GRM8: variants seen among roughly 807,000 people sequenced by gnomAD.
The protein encoded by GRM8 is metabotropic glutamate receptor 8.
A neutral mutation model predicts 87.2 loss-of-function variants in GRM8; 47 were observed. That is an observed-to-expected ratio of 0.54 (90% CI 0.43 to 0.69). GRM8 has a LOEUF of 0.69. Among genes scored for constraint, GRM8 ranks in the 30% least tolerant of loss-of-function variants. GRM8 has a pLI of 0.00. For missense variants in GRM8, 1,019 were observed against 1,139.2 expected, an observed-to-expected ratio of 0.89 and a Z score of 1.52; for synonymous variants, 396 against 404.5, an observed-to-expected ratio of 0.98 and a Z score of 0.25.
At chr7:127,201,113 TACTC>T (rs1392564993) in intron 2 of GRM8, among the ~76,000 whole-genome samples, 2 of 152,224 alleles carry the variant, frequency 1.3e-5, no homozygotes, top group African/African-American at 4.8e-5. Flanking sequence ...CAAGCACAAA[TACTC>T]ATTCTCACAC....
At chr7:126,668,392 C>A (rs533345255) in intron 7 of GRM8, among the ~76,000 whole-genome samples, 1 of 152,186 alleles carries the variant, frequency 6.6e-6, no homozygotes, top group African/African-American at 2.4e-5. Flanking sequence ...CTTACTGTTC[C>A]TTCTAAGCCT....
intron 7 of GRM8, among the ~76,000 whole-genome samples, chr7:126,729,675 G>A (rs767355464): frequency 2.0e-5 from 3 of 152,176 alleles, no homozygotes; most frequent in Non-Finnish European, 4.4e-5. Context: ...TAAATGAAGT[G>A]ACTTTTGTAT....
intron 8 of GRM8, among the ~76,000 whole-genome samples, chr7:126,584,683 C>G (rs1057368956): frequency 6.6e-6 from 1 of 152,164 alleles, no homozygotes; most frequent in South Asian, 2.1e-4. Flanking sequence ...CTTCTTTCAT[C>G]TTCATCAAAA....
chr7:126,709,094 TA>T (rs1236677548), intron 7 of GRM8, among the ~76,000 whole-genome samples: 1 of 152,004 alleles, frequency 6.6e-6, no homozygotes, highest in Admixed American at 6.6e-5. Flanking sequence ...TTTTGTCAAA[TA>T]AAAAGTTTTG....
chr7:126,502,200 A>C (rs1809747239), intron 9 of GRM8, among the ~76,000 whole-genome samples: 1 of 152,066 alleles, frequency 6.6e-6, no homozygotes, highest in South Asian at 2.1e-4. Context: ...TTTAGTGATC[A>C]CTTGAGAATG....
chr7:126,714,297 A>AATC (rs1811472949), intron 7 of GRM8, among the ~76,000 whole-genome samples: 1 of 146,922 alleles, frequency 6.8e-6, no homozygotes, highest in Non-Finnish European at 1.5e-5. Flanking sequence ...TAATAATAAT[A>AATC]ATAATAATAA....
chr7:127,230,745 A>T (rs1455104875), intron 2 of GRM8, among the ~76,000 whole-genome samples: 1 of 152,116 alleles, frequency 6.6e-6, no homozygotes, highest in East Asian at 1.9e-4. Context: ...TCTATAAACC[A>T]GGGAGAGGGC....
chr7:126,508,251 GCA>G (rs10609479), intron 9 of GRM8, among the ~76,000 whole-genome samples: 113,738 of 150,232 alleles, frequency 0.76, 42,984 homozygotes, highest in Middle Eastern at 0.87. Context: ...ACACACACTG[GCA>G]CACACACACA....
In GRM8 at chr7:127,211,107, G is replaced by A. The variant is rs1307380414; in HGVS notation, c.510+31588C>T. The stretch of plus-strand genomic sequence containing the variant: ...AGGATAGATGTATATATGAAGGGAG[G>A]TTTATTAAGGAGTATTGACTCATTC... On this transcript the variant is annotated intron_variant, in intron 2 of 10. Transcript: ENST00000339582. Among the ~76,000 whole-genome samples the A allele has an allele frequency of 2.6e-5, 4 of 152,182 alleles. No homozygotes were observed. In the East Asian group the frequency reaches 5.8e-4, roughly 22 times the overall value.
At chr7:127,041,365 G>T (rs927803873) in intron 3 of GRM8, among the ~76,000 whole-genome samples, 4 of 152,142 alleles carry the variant, frequency 2.6e-5, no homozygotes, top group African/African-American at 9.7e-5. Context: ...TGACATATGG[G>T]CTCCCACAAA....
intron 3 of GRM8, among the ~76,000 whole-genome samples, chr7:127,071,515 G>A (rs779482009): frequency 6.6e-6 from 1 of 152,186 alleles, no homozygotes; most frequent in Non-Finnish European, 1.5e-5. Flanking sequence ...TTAGAGCTAC[G>A]TTCTCTGCAT....
intron 9 of GRM8, among the ~76,000 whole-genome samples, chr7:126,449,481 A>C (rs979620815): frequency 6.6e-6 from 1 of 151,928 alleles, no homozygotes; most frequent in Admixed American, 6.6e-5. Context: ...ATATGCTAAC[A>C]AAGTATCCTC....
intron 7 of GRM8, among the ~76,000 whole-genome samples, chr7:126,751,009 C>T (rs1816351675): frequency 1.3e-5 from 2 of 151,512 alleles, no homozygotes; most frequent in African/African-American, 4.8e-5. Flanking sequence ...GTTTCCTCAT[C>T]TGCAGAAATA....
At chr7:126,484,860 G>C (rs1807166716) in intron 9 of GRM8, among the ~76,000 whole-genome samples, 1 of 149,634 alleles carries the variant, frequency 6.7e-6, no homozygotes. Flanking sequence ...TGCTAGCATG[G>C]ATCTATCGTT....
intron 1 of GRM8, among the ~76,000 whole-genome samples, chr7:127,244,611 T>C (rs1343489468): frequency 6.6e-6 from 1 of 152,208 alleles, no homozygotes; most frequent in Non-Finnish European, 1.5e-5. Flanking sequence ...TATTTATATA[T>C]GGGTTTGAAA....
chr7:126,687,798 G>A (rs1808351057), intron 7 of GRM8, among the ~76,000 whole-genome samples: 1 of 151,676 alleles, frequency 6.6e-6, no homozygotes, highest in African/African-American at 2.4e-5. Flanking sequence ...ATAGACAGAT[G>A]TTGCTATCTT....
At chr7:126,633,178 C>T (rs1166453094) in intron 7 of GRM8, among the ~76,000 whole-genome samples, 2 of 151,992 alleles carry the variant, frequency 1.3e-5, no homozygotes, top group African/African-American at 4.8e-5. Context: ...AGAAGTAGCT[C>T]TCAGAATCTG....
intron 3 of GRM8, among the ~76,000 whole-genome samples, chr7:127,086,583 A>G (rs1823526738): frequency 6.6e-6 from 1 of 152,042 alleles, no homozygotes; most frequent in South Asian, 2.1e-4. Context: ...CTTCCCCTCC[A>G]TAAAGCCCTC....
Position 126,533,135 on chromosome 7 carries a change from G to C in GRM8, c.2247C>G (p.Leu749=), listed in dbSNP as rs1363582998. The change falls in exon 9 of 11, where the codon CTC becomes CTG. Residue 749 remains leucine (L), a synonymous_variant. Transcript: ENST00000339582. ...GGATACTGTATCCAAGTGAACAAAT[G>C]AGTGAGAGATCAGAAATGTCACACT... ...VLKCDISDLS[L]ICSLGYSILL... 3 of 1,613,190 alleles carry C rather than the reference G, an allele frequency of 1.9e-6. No homozygotes were observed. Among genetic ancestry groups the C allele is most frequent in the Non-Finnish European group, 2.5e-6 (3 of 1,179,858 alleles).
Sources: allele counts gnomAD v4.1 joint callset (sites outside exome capture counted in the v4.1 genomes callset), GRCh38; gene constraint gnomAD v4.1.1; transcripts MANE v1.5; gene names NCBI Gene and HGNC (gene_info 2026-07-23, HGNC 2026-07-21).